COPZ1: variants seen among roughly 807,000 people sequenced by gnomAD.
COPZ1 encodes coat protein complex I subunit zeta 1.
Under a neutral mutation model 31.7 loss-of-function variants are expected in COPZ1, and 4 were observed. The observed-to-expected ratio is 0.13, with a 90% CI of 0.06 to 0.29. The LOEUF is 0.29. COPZ1 is among the 10% of genes least tolerant of loss of function. COPZ1 has a pLI of 1.00. For synonymous variants in COPZ1, 74 were observed against 79.0 expected (o/e 0.94, Z 0.33); for missense variants, 156 against 211.5 (o/e 0.74, Z 1.63).
chr12:54,348,337 T>G (rs904215496), intron 7 of COPZ1, among the ~76,000 whole-genome samples: 3 of 152,170 alleles, frequency 2.0e-5, no homozygotes, highest in African/African-American at 7.2e-5. Flanking sequence ...AAAATAAACT[T>G]TAATATTTAT....
At chr12:54,350,216 A>G in intron 8 of COPZ1, 1 of 698,338 alleles carries the variant, frequency 1.4e-6, no homozygotes, top group South Asian at 1.5e-5. Flanking sequence ...TATGTCCAGT[A>G]ACTCCCTTTT....
At chr12:54,330,210 A>T (rs1246088294) in intron 1 of COPZ1, among the ~76,000 whole-genome samples, 1 of 152,038 alleles carries the variant, frequency 6.6e-6, no homozygotes, top group Non-Finnish European at 1.5e-5. Context: ...TATTGTGATT[A>T]TGTTGGTGTC....
At chr12:54,338,694 C>T (rs1252045753) in intron 1 of COPZ1, among the ~76,000 whole-genome samples, 1 of 152,088 alleles carries the variant, frequency 6.6e-6, no homozygotes, top group African/African-American at 2.4e-5. Context: ...AATTATTCAC[C>T]AAATATTGAG....
chr12:54,348,206 T>G, intron 7 of COPZ1, 155 bp downstream of exon 7: 1 of 650,886 alleles, frequency 1.5e-6, no homozygotes, highest in Non-Finnish European at 2.7e-6. Flanking sequence ...TTCCCTTCTC[T>G]TCTTATTGTC....
At chr12:54,337,019 C>CAAAAAA (rs1182592654) in intron 1 of COPZ1, among the ~76,000 whole-genome samples, 15 of 61,628 alleles carry the variant, frequency 2.4e-4, no homozygotes, top group Non-Finnish European at 3.2e-4. Context: ...GAGACTGTCG[C>CAAAAAA]AAAAAAAAAA....
Position 54,338,210 on chromosome 12 carries a change from T to C in COPZ1, c.19-2337T>C, listed in dbSNP as rs1326370325. Among the ~76,000 whole-genome samples, 3 of 152,134 alleles carry C rather than the reference T, an allele frequency of 2.0e-5. No homozygotes were observed. The East Asian group carries it at 5.8e-4, about 29-fold the overall frequency. The stretch of plus-strand genomic sequence containing the variant: ...AGAGCCAAAGATTTCCAGGAAAAGG[T>C]TGTGGGAAAAAATGATTTCGTCTAA... On this transcript the variant is annotated intron_variant, in intron 1 of 8. Coordinates refer to ENST00000262061, the MANE Select transcript of COPZ1 (RefSeq NM_016057.3).
At chr12:54,331,513 T>C (rs1433346809) in intron 1 of COPZ1, among the ~76,000 whole-genome samples, 2 of 152,142 alleles carry the variant, frequency 1.3e-5, no homozygotes, top group Non-Finnish European at 2.9e-5. Flanking sequence ...ATCCCATCCA[T>C]AGCCAATTGC....
chr12:54,339,755 T>C (rs1953938711), intron 1 of COPZ1, among the ~76,000 whole-genome samples: 1 of 152,088 alleles, frequency 6.6e-6, no homozygotes, highest in Admixed American at 6.6e-5. Flanking sequence ...TGATTCTTGG[T>C]AGTGGAAAAA....
At chr12:54,333,456 A>C (rs1420111949) in intron 1 of COPZ1, among the ~76,000 whole-genome samples, 1 of 152,244 alleles carries the variant, frequency 6.6e-6, no homozygotes, top group African/African-American at 2.4e-5. Flanking sequence ...ATTAACCTTA[A>C]CTGATCTAGG....
intron 1 of COPZ1, among the ~76,000 whole-genome samples, chr12:54,326,300 C>T (rs894154140): frequency 5.3e-5 from 8 of 150,330 alleles, no homozygotes; most frequent in South Asian, 2.1e-4. Flanking sequence ...CCACCACTCC[C>T]GGCTAATTTT....
intron 5 of COPZ1, 119 bp downstream of exon 5, chr12:54,345,634 C>A: frequency 2.5e-6 from 2 of 792,204 alleles, no homozygotes; most frequent in Non-Finnish European, 4.2e-6. Flanking sequence ...AGGGGATTGG[C>A]AAAGGCTCCA....
intron 1 of COPZ1, among the ~76,000 whole-genome samples, chr12:54,329,127 A>T (rs1953709696): frequency 6.6e-6 from 1 of 152,016 alleles, no homozygotes; most frequent in African/African-American, 2.4e-5. Context: ...AATAATAGTG[A>T]TCTCAGCCTG....
chr12:54,328,959 C>T (rs898090680), intron 1 of COPZ1, among the ~76,000 whole-genome samples: 4 of 152,112 alleles, frequency 2.6e-5, no homozygotes, highest in African/African-American at 9.7e-5. Context: ...CAGTAAGTTC[C>T]CTTCTTTTAG....
At chr12:54,335,844 G>T (rs1020242139) in intron 1 of COPZ1, among the ~76,000 whole-genome samples, 2 of 151,446 alleles carry the variant, frequency 1.3e-5, no homozygotes, top group Admixed American at 6.6e-5. Flanking sequence ...GCTAATTTTT[G>T]TTTTTTTTAA....
intron 1 of COPZ1, among the ~76,000 whole-genome samples, chr12:54,332,002 A>G (rs1483386515): frequency 6.6e-6 from 1 of 152,168 alleles, no homozygotes; most frequent in Non-Finnish European, 1.5e-5. Context: ...TAGTTGAAGA[A>G]TTAGGGACTA....
chr12:54,334,412 CTG>C (rs1010888902), intron 1 of COPZ1, among the ~76,000 whole-genome samples: 2 of 151,652 alleles, frequency 1.3e-5, no homozygotes, highest in African/African-American at 4.8e-5. Context: ...CAGAGCAACA[CTG>C]TCTCAAAAAA....
chr12:54,340,337 C>T, intron 1 of COPZ1: 1 of 703,404 alleles, frequency 1.4e-6, no homozygotes. Context: ...ACTTTGGAAT[C>T]CTTTGTTTAA....
chr12:54,335,566 G>A (rs567329966), intron 1 of COPZ1, among the ~76,000 whole-genome samples: 2 of 152,020 alleles, frequency 1.3e-5, no homozygotes, highest in South Asian at 4.1e-4. Flanking sequence ...CTGCTACCAT[G>A]CCTGGCTAAG....
chr12:54,342,426 C>T, intron 3 of COPZ1, 139 bp downstream of exon 3: 1 of 664,516 alleles, frequency 1.5e-6, no homozygotes, highest in Non-Finnish European at 2.7e-6. Flanking sequence ...ATAATAAACT[C>T]TTCAGAATGT....
Sources: allele counts gnomAD v4.1 joint callset (sites outside exome capture counted in the v4.1 genomes callset), GRCh38; gene constraint gnomAD v4.1.1; transcripts MANE v1.5; gene names NCBI Gene and HGNC (gene_info 2026-07-23, HGNC 2026-07-21).